The following LINGO2 variants were observed in gnomAD, a reference collection of about 807,000 sequenced individuals.
The protein encoded by LINGO2 is leucine-rich repeat and immunoglobulin-like domain-containing nogo receptor-interacting protein 2.
LINGO2 carries 14 observed loss-of-function variants against 30.6 expected under a neutral mutation model. The observed-to-expected ratio is 0.46, with a 90% CI of 0.30 to 0.72. The LOEUF (loss-of-function observed/expected upper bound fraction) is 0.72, where lower values mean the gene tolerates loss of function less well. Ranked by LOEUF, LINGO2 falls within the 30% of genes least tolerant of loss-of-function variation. The pLI, the probability that LINGO2 is intolerant of heterozygous loss-of-function variation, is 0.07. For synonymous variants in LINGO2, 317 were observed against 288.5 expected, an observed-to-expected ratio of 1.10 and a Z score of -1.00; for missense variants, 729 against 751.7, an observed-to-expected ratio of 0.97 and a Z score of 0.35.
intron 3 of LINGO2, among the ~76,000 whole-genome samples, chr9:28,306,183 C>T (rs1022956632): frequency 6.6e-6 from 1 of 152,090 alleles, no homozygotes; most frequent in Non-Finnish European, 1.5e-5. Context: ...AGACTATGAG[C>T]AATACTTGAA....
At chr9:28,570,237 T>C (rs975162295) in intron 1 of LINGO2, among the ~76,000 whole-genome samples, 3 of 151,964 alleles carry the variant, frequency 2.0e-5, no homozygotes, top group African/African-American at 7.2e-5. Flanking sequence ...TTCTCATAAC[T>C]GAACAAACAG....
intron 4 of LINGO2, among the ~76,000 whole-genome samples, chr9:28,091,907 A>T (rs1157707113): frequency 1.3e-5 from 2 of 152,206 alleles, no homozygotes; most frequent in Non-Finnish European, 2.9e-5. Flanking sequence ...ACACTTCTCA[A>T]AAGAAGACAT....
chr9:28,978,324 G>A, the LINGO2 span, among the ~76,000 whole-genome samples: 26 of 152,030 alleles, frequency 1.7e-4, no homozygotes, highest in Admixed American at 6.6e-5. Flanking sequence ...ACTAAAAATA[G>A]TGCTTTTGGG....
the LINGO2 span, among the ~76,000 whole-genome samples, chr9:29,179,425 G>A: frequency 6.6e-6 from 1 of 151,698 alleles, no homozygotes; most frequent in Non-Finnish European, 1.5e-5. Context: ...TATTTATTGA[G>A]ACAGAGTCTC....
chr9:28,176,817 G>A (rs574875518), intron 4 of LINGO2, among the ~76,000 whole-genome samples: 5 of 152,264 alleles, frequency 3.3e-5, no homozygotes, highest in African/African-American at 7.2e-5. Flanking sequence ...ATGTAAGCAC[G>A]TGTAGTGTAC....
intron 3 of LINGO2, among the ~76,000 whole-genome samples, chr9:28,307,500 T>C (rs1225096528): frequency 6.6e-6 from 1 of 152,142 alleles, no homozygotes; most frequent in Non-Finnish European, 1.5e-5. Flanking sequence ...ACTGGAAGCA[T>C]TCCCTTTGAA....
chr9:28,498,826 A>C lies in LINGO2; in HGVS notation c.-364-22801T>G, dbSNP rs1331200261. On this transcript the variant is annotated intron_variant, in intron 1 of 5. Coordinates refer to ENST00000379992, the Ensembl canonical transcript of LINGO2. ...CCCCCCTCCTATTTAGGCTACTTTG[A>C]TCAGTAGGTGTCTAGTGCATGAAAG... Among the ~76,000 whole-genome samples the C allele has an allele frequency of 1.3e-5, 2 of 152,066 alleles. 1 individual carries two copies. The highest frequency in any genetic ancestry group is 2.9e-5 in the Non-Finnish European group (2 of 67,978).
At chr9:28,734,249 C>T in the LINGO2 span, among the ~76,000 whole-genome samples, 5 of 152,120 alleles carry the variant, frequency 3.3e-5, no homozygotes, top group Admixed American at 6.6e-5. Context: ...AAGTGACTAA[C>T]GAGTGATTAG....
intron 3 of LINGO2, among the ~76,000 whole-genome samples, chr9:28,319,418 T>G (rs1464055243): frequency 2.6e-5 from 4 of 152,182 alleles, no homozygotes; most frequent in Non-Finnish European, 4.4e-5. Context: ...CTCTCTGTTT[T>G]AAGATTCCAA....
intron 3 of LINGO2, among the ~76,000 whole-genome samples, chr9:28,303,672 T>C (rs1370237518): frequency 1.3e-5 from 2 of 151,998 alleles, no homozygotes; most frequent in Admixed American, 6.6e-5. Flanking sequence ...GAAAAGAAAA[T>C]GTTATTAAGT....
intron 2 of LINGO2, among the ~76,000 whole-genome samples, chr9:28,471,344 C>G (rs763330571): frequency 7.9e-5 from 12 of 152,118 alleles, no homozygotes; most frequent in Admixed American, 6.6e-5. Flanking sequence ...AGACCAAACA[C>G]GAGGGTGGCC....
intron 4 of LINGO2, among the ~76,000 whole-genome samples, chr9:28,170,389 T>TATAATATATATA (rs1453408715): frequency 6.6e-6 from 1 of 152,186 alleles, no homozygotes; most frequent in Non-Finnish European, 1.5e-5. Flanking sequence ...GGCTATCCAC[T>TATAATATATATA]GAGGCTATTT....
At chr9:28,664,493 A>G (rs763255354) in intron 1 of LINGO2, among the ~76,000 whole-genome samples, 1 of 152,116 alleles carries the variant, frequency 6.6e-6, no homozygotes, top group Non-Finnish European at 1.5e-5. Context: ...GAGAGAGAAT[A>G]GGGAGTAAGA....
intron 1 of LINGO2, among the ~76,000 whole-genome samples, chr9:28,649,548 C>A (rs542615819): frequency 6.6e-6 from 1 of 151,936 alleles, no homozygotes; most frequent in South Asian, 2.1e-4. Flanking sequence ...ATACATAGGT[C>A]CAACCAACCT....
chr9:28,000,116 C>T (rs907944950), intron 5 of LINGO2, among the ~76,000 whole-genome samples: 4 of 152,130 alleles, frequency 2.6e-5, no homozygotes, highest in African/African-American at 4.8e-5. Context: ...AGACTAGACA[C>T]GAGTGAAGCA....
chr9:28,253,879 C>T (rs1410352361), intron 4 of LINGO2, among the ~76,000 whole-genome samples: 1 of 152,130 alleles, frequency 6.6e-6, no homozygotes, highest in Non-Finnish European at 1.5e-5. Flanking sequence ...CGGGTGGAGC[C>T]ACAGAAGTTC....
chr9:29,090,089 G>A, the LINGO2 span, among the ~76,000 whole-genome samples: 1 of 151,874 alleles, frequency 6.6e-6, no homozygotes, highest in African/African-American at 2.4e-5. Context: ...ATATTACAGT[G>A]GTATTGAAAT....
the LINGO2 span, among the ~76,000 whole-genome samples, chr9:28,763,452 G>T: frequency 6.6e-6 from 1 of 151,700 alleles, no homozygotes; most frequent in African/African-American, 2.4e-5. Context: ...GGGTTAAAAA[G>T]GAAATCAAAA....
chr9:27,960,280 A>T (rs997224089), intron 5 of LINGO2, among the ~76,000 whole-genome samples: 1 of 152,204 alleles, frequency 6.6e-6, no homozygotes, highest in African/African-American at 2.4e-5. Context: ...TCTAGAGCTG[A>T]AACTATTTTC....
Sources: allele counts gnomAD v4.1 joint callset (sites outside exome capture counted in the v4.1 genomes callset), GRCh38; gene constraint gnomAD v4.1.1; transcripts MANE v1.5; gene names NCBI Gene and HGNC (gene_info 2026-07-23, HGNC 2026-07-21).